The following VWF variants were observed in gnomAD, a reference collection of about 807,000 sequenced individuals.
The protein encoded by VWF is Factor VIII related antigen.
Under a neutral mutation model 308.6 loss-of-function variants are expected in VWF, and 176 were observed. That is an observed-to-expected ratio of 0.57 (90% confidence interval 0.50 to 0.65). VWF has a LOEUF of 0.65. VWF is among the 30% of genes least tolerant of loss of function. The probability of loss-of-function intolerance (pLI) is 0.00; values close to 1 mark genes in which losing one functional copy is unlikely to be tolerated. For synonymous variants in VWF, 1,385 were observed against 1,443.4 expected, an observed-to-expected ratio of 0.96 and a Z score of 0.92; for missense variants, 3,146 against 3,648.2, an observed-to-expected ratio of 0.86 and a Z score of 3.55.
At chr12:6,103,542 G>GTA (rs1491491111) in intron 5 of VWF, among the ~76,000 whole-genome samples, 2 of 76,656 alleles carry the variant, frequency 2.6e-5, no homozygotes, top group African/African-American at 6.9e-5. Context: ...ACACATATAT[G>GTA]TATACACACA....
At chr12:6,009,244 A>G (rs1288198866) in intron 34 of VWF, among the ~76,000 whole-genome samples, 1 of 151,996 alleles carries the variant, frequency 6.6e-6, no homozygotes, top group Non-Finnish European at 1.5e-5. Context: ...AATAGCAAAA[A>G]AAAAAAAAAT....
chr12:5,971,721 G>C lies in VWF; in HGVS notation c.7438-12C>G. ...ACGTAAGTGAAGCCCTGGAAAAGCA[G>C]AAAAAACAGAGTAAGGACAGGCCAG... is the stretch of plus-strand genomic sequence containing the variant. On this transcript the variant is annotated splice_polypyrimidine_tract_variant and intron_variant, in intron 43 of 51. Coordinates refer to ENST00000261405, the MANE Select transcript of VWF (RefSeq NM_000552.5). 1.9e-6 allele frequency: 3 copies of C among 1,612,446 alleles called. No individual in the cohort carries two copies. The highest frequency in any genetic ancestry group is 2.5e-6 in the Non-Finnish European group (3 of 1,178,550).
intron 16 of VWF, 106 bp downstream of exon 16, chr12:6,052,437 C>T: frequency 1.3e-6 from 2 of 1,563,760 alleles, no homozygotes; most frequent in Non-Finnish European, 1.8e-6. Context: ...TCACTTCCTT[C>T]CTTGGGCCCC....
intron 38 of VWF, among the ~76,000 whole-genome samples, chr12:5,990,819 G>A (rs1943731365): frequency 1.5e-5 from 2 of 133,288 alleles, no homozygotes; most frequent in South Asian, 2.5e-4. Context: ...CAAGACGGAG[G>A]AGTCTGGTAA....
chr12:6,084,040 C>T (rs972394116), intron 6 of VWF, among the ~76,000 whole-genome samples: 12 of 152,152 alleles, frequency 7.9e-5, no homozygotes, highest in Admixed American at 2.6e-4. Flanking sequence ...GGACATCCTA[C>T]CCCAAACTTC....
At chr12:6,084,191 G>A (rs1163489766) in intron 6 of VWF, among the ~76,000 whole-genome samples, 1 of 152,190 alleles carries the variant, frequency 6.6e-6, no homozygotes, top group Non-Finnish European at 1.5e-5. Context: ...ATGACACCAG[G>A]AAATCAAATG....
chr12:5,993,229 C>T (rs1943764775), intron 37 of VWF, among the ~76,000 whole-genome samples: 2 of 152,206 alleles, frequency 1.3e-5, no homozygotes, highest in African/African-American at 4.8e-5. Flanking sequence ...ATTCTTTTCA[C>T]TCCAGCACCC....
intron 47 of VWF, among the ~76,000 whole-genome samples, chr12:5,965,167 G>A (rs1943387473): frequency 6.6e-6 from 1 of 152,152 alleles, no homozygotes; most frequent in Admixed American, 6.5e-5. Context: ...TCCTTCTCAG[G>A]AGCAGCCTCT....
In VWF at chr12:5,983,150, C is replaced by T. The variant is rs1396364240; in HGVS notation, c.7081G>A (p.Ala2361Thr). 3.1e-6 allele frequency: 5 copies of T among 1,613,240 alleles called. No individual in the cohort carries two copies. The highest frequency in any genetic ancestry group is 2.7e-5 in the African/African-American group (2 of 74,856). The change falls in exon 41 of 52, where the codon GCC becomes ACC. Residue 2361 changes from alanine (A) to threonine (T), a missense_variant and splice_region_variant. Transcript: ENST00000261405. ...CCCTCCTCATCCACAGAGGCCTTAC[C>T]GCAGGTGAAGTTGGGTCTGCACTCG... is the stretch of plus-strand genomic sequence containing the variant. Reference protein sequence around the residue: ...PGECRPNFTCACRKEECKRVS... With the variant: ...PGECRPNFTCTCRKEECKRVS...
rs145877944 is a variant in VWF at position 6,097,368 on chromosome 12, C to T, written c.533-1784G>A. Among the ~76,000 whole-genome samples the T allele has an allele frequency of 2.0e-3, 308 of 152,132 alleles. 2 individuals carry two copies. The highest frequency in any genetic ancestry group is 6.9e-3 in the African/African-American group (285 of 41,508). ...AGGAGAATTGCTTGAACCTGGAAGGCGAAGACTACAGTGAGCCGAGAATGC... is the reference window on the plus strand; with the variant it reads ...AGGAGAATTGCTTGAACCTGGAAGGTGAAGACTACAGTGAGCCGAGAATGC... On this transcript the variant is annotated intron_variant, in intron 5 of 51. Coordinates refer to ENST00000261405, the MANE Select transcript of VWF (RefSeq NM_000552.5).
Position 5,967,612 on chromosome 12 carries a change from G to A in VWF, c.7771-10C>T, listed in dbSNP as rs189370859. 1,471 of 1,612,644 alleles carry A rather than the reference G, an allele frequency of 9.1e-4. 13 individuals are homozygous for A. The African/African-American group carries it at 0.017, about 19-fold the overall frequency. On this transcript the variant is annotated splice_polypyrimidine_tract_variant and intron_variant, in intron 46 of 51. Coordinates refer to ENST00000261405, the MANE Select transcript of VWF (RefSeq NM_000552.5). ...TCACAGTCTTCCCGGGCTGGAAGCA[G>A]AGGCACCAGGGTCAGGCCCCCCAGC... is the stretch of plus-strand genomic sequence containing the variant.
intron 28 of VWF, 101 bp from the exon 29 acceptor site, chr12:6,016,971 C>A: frequency 8.0e-7 from 1 of 1,250,030 alleles, no homozygotes; most frequent in Admixed American, 1.7e-5. Flanking sequence ...GGCGTGCTGA[C>A]CACGTGGCAC....
chr12:6,002,795 G>A (rs1286119751), intron 34 of VWF, among the ~76,000 whole-genome samples: 2 of 151,950 alleles, frequency 1.3e-5, no homozygotes, highest in African/African-American at 2.4e-5. Flanking sequence ...TACTGAAAAG[G>A]AGAGAAAACT....
At chr12:6,039,671 T>C (rs964511234) in intron 18 of VWF, among the ~76,000 whole-genome samples, 5 of 152,122 alleles carry the variant, frequency 3.3e-5, no homozygotes, top group Admixed American at 6.5e-5. Context: ...TCATGGACCA[T>C]GTAGGAGATA....
intron 47 of VWF, among the ~76,000 whole-genome samples, chr12:5,960,886 G>A: frequency 6.6e-6 from 1 of 152,214 alleles, no homozygotes; most frequent in East Asian, 1.9e-4. Context: ...TGGCCTGTTA[G>A]GAACTGGGCT....
chr12:6,095,094 G>A (rs530524371), intron 6 of VWF, among the ~76,000 whole-genome samples: 3 of 152,030 alleles, frequency 2.0e-5, no homozygotes, highest in East Asian at 1.9e-4. Context: ...CACAGGACCC[G>A]GCTTCAGGTC....
At chr12:6,016,383 C>T (rs1944057028) in intron 30 of VWF, 133 bp downstream of exon 30, 2 of 1,420,616 alleles carry the variant, frequency 1.4e-6, no homozygotes, top group African/African-American at 1.4e-5. Flanking sequence ...GGAAGAGCAT[C>T]TAGCCCCTCA....
chr12:5,949,206 G>A lies in VWF; in HGVS notation c.8254-3C>T. 1 of 1,613,500 alleles carries A rather than the reference G, an allele frequency of 6.2e-7. No individual in the cohort carries two copies. Among genetic ancestry groups the A allele is most frequent in the South Asian group, 1.1e-5 (1 of 91,078 alleles). ...ATGGCTTTGCTGGCACATTTGCCCT[G>A]CAAGAAAGCAGAGGAAGATGGGAGC... On this transcript the variant is annotated splice_polypyrimidine_tract_variant and splice_region_variant and intron_variant, in intron 51 of 51. Coordinates refer to ENST00000261405, the MANE Select transcript of VWF (RefSeq NM_000552.5).
rs148440358 is a variant in VWF, at chr12:6,109,545, T to C, written c.532+829A>G. ...CTCTAATCAGAAAGTGGTTGGGTCA[T>C]AAGGAAGAAAGATAACATATGTAAG... On this transcript the variant is annotated intron_variant, in intron 5 of 51. Transcript: ENST00000261405. 2.0e-4 allele frequency among the ~76,000 whole-genome samples: 30 copies of C among 152,300 alleles called. No homozygotes were observed. In the East Asian group the frequency reaches 5.8e-3, roughly 29 times the overall value.
Sources: gnomAD v4.1 joint callset for allele counts (sites outside exome capture counted in the v4.1 genomes callset) on GRCh38, gnomAD v4.1.1 for gene constraint, MANE v1.5 for transcripts, NCBI Gene and HGNC (gene_info 2026-07-23, HGNC 2026-07-21) for gene names.